PRKAR1B: variants seen among roughly 807,000 people sequenced by gnomAD.
PRKAR1B encodes protein kinase cAMP-dependent type I regulatory subunit beta, also known as cAMP-dependent protein kinase type I-beta regulatory subunit.
PRKAR1B carries 22 observed loss-of-function variants against 46.5 expected under a neutral mutation model. The ratio of observed to expected loss-of-function variants is 0.47; its 90% confidence interval spans 0.34 to 0.68. The LOEUF (loss-of-function observed/expected upper bound fraction) is 0.68. Among genes scored for constraint, PRKAR1B ranks in the 30% least tolerant of loss-of-function variants. PRKAR1B has a pLI of 0.01. For missense variants in PRKAR1B, 445 were observed against 535.6 expected, an observed-to-expected ratio of 0.83 and a Z score of 1.67; for synonymous variants, 259 against 217.7, an observed-to-expected ratio of 1.19 and a Z score of -1.67.
At chr7:629,581 G>A (rs879758625) in intron 4 of PRKAR1B, among the ~76,000 whole-genome samples, 2 of 86,808 alleles carry the variant, frequency 2.3e-5, no homozygotes, top group Admixed American at 1.1e-4. Context: ...CACCACCCCA[G>A]GGCTGGAAAA....
intron 4 of PRKAR1B, among the ~76,000 whole-genome samples, chr7:616,938 A>G (rs954718451): frequency 1.3e-5 from 2 of 151,888 alleles, no homozygotes; most frequent in Non-Finnish European, 2.9e-5. Context: ...AACAACAAGG[A>G]AAGTTTGGGG....
intron 9 of PRKAR1B, among the ~76,000 whole-genome samples, chr7:552,013 A>G (rs528213385): frequency 0.011 from 543 of 51,004 alleles, 6 homozygotes; most frequent in Non-Finnish European, 0.017. Flanking sequence ...CCTCCCACCC[A>G]GGTCCTTCTC....
chr7:623,274 C>T (rs1583316211), intron 4 of PRKAR1B, among the ~76,000 whole-genome samples: 1 of 152,226 alleles, frequency 6.6e-6, no homozygotes, highest in Admixed American at 6.5e-5. Flanking sequence ...GCACGGTGTT[C>T]TCAAATCCCC....
In PRKAR1B at chr7:602,980, A is replaced by G. The variant is rs955825826; in HGVS notation, c.549+3213T>C. 6.6e-6 allele frequency among the ~76,000 whole-genome samples: 1 copy of G among 152,154 alleles called. No homozygotes were observed. Among genetic ancestry groups the G allele is most frequent in the African/African-American group, 2.4e-5 (1 of 41,450 alleles). ...TCGAGACACGACAAGTTAGGCGGGA[A>G]CATAACCTGGGAGCCCCATGTCGGT... is the stretch of plus-strand genomic sequence containing the variant. On this transcript the variant is annotated intron_variant, in intron 6 of 10. Coordinates refer to ENST00000537384, the MANE Select transcript of PRKAR1B (RefSeq NM_001164760.2). This position sits in a 1 kb window ranked among gnomAD's most constrained non-coding sequence, Gnocchi z 6.4.
At chr7:588,909 G>A (rs1583257573) in intron 7 of PRKAR1B, among the ~76,000 whole-genome samples, 5 of 8,204 alleles carry the variant, frequency 6.1e-4, no homozygotes, top group Admixed American at 1.0e-3. Flanking sequence ...GGTGACGGTG[G>A]TGATGGTGAT....
At chr7:551,229 C>T (rs1000967135) in intron 10 of PRKAR1B, among the ~76,000 whole-genome samples, 160 bp downstream of exon 10, 4 of 152,244 alleles carry the variant, frequency 2.6e-5, no homozygotes, top group South Asian at 4.1e-4. Context: ...TTTGGGGGAA[C>T]AGGACTGAGC....
chr7:550,386 G>C lies in PRKAR1B; in HGVS notation c.*44C>G, dbSNP rs781502778. 7.8e-6 allele frequency: 12 copies of C among 1,546,772 alleles called. No individual in the cohort carries two copies. Among genetic ancestry groups the C allele is most frequent in the Non-Finnish European group, 1.1e-5 (12 of 1,141,572 alleles). On this transcript the variant is annotated 3_prime_UTR_variant, in exon 11 of 11. Coordinates refer to ENST00000537384, the MANE Select transcript of PRKAR1B (RefSeq NM_001164760.2). ...CCCCCGACACAGACGAGCAGGGCAC[G>C]GCCACCACACTGGGGAGCTGGGGCT...
chr7:565,205 C>G (rs1219477250), intron 9 of PRKAR1B: 3 of 152,256 alleles, frequency 2.0e-5, no homozygotes, highest in Non-Finnish European at 2.9e-5. Context: ...AGGCTGGGGT[C>G]TGGGGCAGCC....
chr7:679,363 TC>T (rs1778527513), intron 3 of PRKAR1B, among the ~76,000 whole-genome samples: 1 of 152,192 alleles, frequency 6.6e-6, no homozygotes, highest in African/African-American at 2.4e-5. Context: ...CTTCACACTC[TC>T]CTCGTGTGCC....
At chr7:718,096 C>T (rs1414632780) in intron 1 of PRKAR1B, among the ~76,000 whole-genome samples, 2 of 152,072 alleles carry the variant, frequency 1.3e-5, no homozygotes, top group Non-Finnish European at 2.9e-5. Context: ...CTGGAAACAA[C>T]CAAGTGCACT....
chr7:551,492 C>T (rs1202414819), intron 9 of PRKAR1B, 22 bp from the exon 10 acceptor site: 13 of 1,549,442 alleles, frequency 8.4e-6, no homozygotes, highest in African/African-American at 2.7e-5. Context: ...GGTGGACAGA[C>T]GTGAGTGCCA....
intron 9 of PRKAR1B, among the ~76,000 whole-genome samples, chr7:571,545 AAG>A (rs1224010309): frequency 6.6e-6 from 1 of 152,164 alleles, no homozygotes; most frequent in African/African-American, 2.4e-5. Flanking sequence ...TTAATTTGCT[AAG>A]AGAGGAGATA....
In PRKAR1B at chr7:644,308, G is replaced by A. The variant is rs1049346134; in HGVS notation, c.440+32921C>T. On this transcript the variant is annotated intron_variant, in intron 4 of 10. Coordinates refer to ENST00000537384, the MANE Select transcript of PRKAR1B (RefSeq NM_001164760.2). This position sits in a 1 kb window ranked among gnomAD's most constrained non-coding sequence, Gnocchi z 4.9. ...AATCCTGCTGGAATCACTCACTCCC[G>A]GCTCCTGCTCCACCCCACACTGTGA... Among the ~76,000 whole-genome samples, 2 of 152,112 alleles carry A rather than the reference G, an allele frequency of 1.3e-5. No individual in the cohort carries two copies. Among genetic ancestry groups the A allele is most frequent in the Non-Finnish European group, 2.9e-5 (2 of 68,032 alleles).
intron 4 of PRKAR1B, among the ~76,000 whole-genome samples, chr7:635,929 G>A (rs1379147723): frequency 6.6e-6 from 1 of 151,526 alleles, no homozygotes; most frequent in African/African-American, 2.4e-5. Flanking sequence ...AAAAGTACCA[G>A]CACCGCGCCC....
In PRKAR1B at chr7:711,425, G is replaced by A; in HGVS notation, c.81C>T (p.Ile27=). The change falls in exon 2 of 11, where the codon ATC becomes ATT. Residue 27 remains isoleucine (I), a synonymous_variant. Coordinates refer to ENST00000537384, the MANE Select transcript of PRKAR1B (RefSeq NM_001164760.2). The part of the protein sequence containing the change: ...GCELYVQLHG[I]QQVLKDCIVH... ...CGATACAGTCTTTGAGGACCTGCTG[G>A]ATCCCGTGCAGCTGCACGTACAGCT... The A allele has an allele frequency of 6.2e-7, 1 of 1,614,230 alleles. No homozygotes were observed. The highest frequency in any genetic ancestry group is 1.1e-5 in the South Asian group (1 of 91,090).
intron 4 of PRKAR1B, among the ~76,000 whole-genome samples, chr7:668,891 G>A (rs1786073870): frequency 6.6e-6 from 1 of 152,060 alleles, no homozygotes; most frequent in Admixed American, 6.6e-5. Context: ...GGAATGGGAG[G>A]CTCTGAGTTC....
chr7:563,922 T>A (rs1187248149), intron 9 of PRKAR1B, among the ~76,000 whole-genome samples: 1 of 152,016 alleles, frequency 6.6e-6, no homozygotes, highest in Non-Finnish European at 1.5e-5. Flanking sequence ...TGGGTGAGTA[T>A]GTGCGTTGGT....
chr7:681,318 C>T (rs1778671493), intron 2 of PRKAR1B, among the ~76,000 whole-genome samples: 3 of 131,998 alleles, frequency 2.3e-5, no homozygotes, highest in Admixed American at 2.3e-4. Context: ...TACACCCTGT[C>T]TCTATAAAAA....
intron 9 of PRKAR1B, among the ~76,000 whole-genome samples, chr7:568,440 G>A (rs1362224134): frequency 1.3e-5 from 2 of 152,252 alleles, no homozygotes; most frequent in African/African-American, 4.8e-5. Flanking sequence ...TAGAACACAG[G>A]AGGACAACTT....
Sources: gnomAD v4.1 joint callset for allele counts (sites outside exome capture counted in the v4.1 genomes callset) on GRCh38, gnomAD v4.1.1 for gene constraint, Gnocchi (gnomAD v3.1) non-coding constraint, MANE v1.5 for transcripts, NCBI Gene and HGNC (gene_info 2026-07-23, HGNC 2026-07-21) for gene names.